WNT3: variants seen among roughly 807,000 people sequenced by gnomAD.
The protein encoded by WNT3 is proto-oncogene Wnt-3.
Under a neutral mutation model 34.2 loss-of-function variants are expected in WNT3, and 7 were observed. The observed-to-expected ratio is 0.20, with a 90% CI of 0.12 to 0.38. The LOEUF is 0.38. Among genes scored for constraint, WNT3 ranks in the 10% least tolerant of loss-of-function variants. The probability of loss-of-function intolerance (pLI) is 1.00; values close to 1 mark genes in which losing one functional copy is unlikely to be tolerated. For missense variants in WNT3, 267 were observed against 499.8 expected (o/e 0.53, Z 4.44); for synonymous variants, 212 against 211.5 (o/e 1.00, Z -0.02).
chr17:46,814,940 C>T (rs906381942), intron 1 of WNT3, among the ~76,000 whole-genome samples: 7 of 152,160 alleles, frequency 4.6e-5, no homozygotes, highest in Non-Finnish European at 1.5e-5. Context: ...TTTCCCAGCT[C>T]ACTGCCCTTG....
intron 1 of WNT3, among the ~76,000 whole-genome samples, chr17:46,804,536 G>GC: frequency 6.6e-6 from 1 of 152,294 alleles, no homozygotes; most frequent in African/African-American, 2.4e-5. Context: ...CTGATGGCAG[G>GC]CCCCCTCTTT....
At chr17:46,766,269 G>A (rs533377683) in intron 4 of WNT3, among the ~76,000 whole-genome samples, 2 of 152,262 alleles carry the variant, frequency 1.3e-5, no homozygotes, top group African/African-American at 4.8e-5. Flanking sequence ...TTAGCCGATC[G>A]TGGTGGCGGG....
At chr17:46,815,670 A>T (rs779064020) in intron 1 of WNT3, among the ~76,000 whole-genome samples, 3 of 152,126 alleles carry the variant, frequency 2.0e-5, no homozygotes, top group Admixed American at 6.6e-5. Context: ...AAGACCAAAG[A>T]AAAACAACCT....
chr17:46,782,786 T>C (rs976124910), intron 1 of WNT3, among the ~76,000 whole-genome samples: 4 of 152,176 alleles, frequency 2.6e-5, no homozygotes, highest in African/African-American at 9.7e-5. Flanking sequence ...GGCAGGGAGC[T>C]TGTGACAAAA....
intron 1 of WNT3, among the ~76,000 whole-genome samples, chr17:46,794,846 G>T (rs1158148968): frequency 6.7e-6 from 1 of 150,296 alleles, no homozygotes; most frequent in South Asian, 2.1e-4. Context: ...CACCTCCCAG[G>T]TTCAAGTGAT....
chr17:46,807,882 T>G (rs1376487957), intron 1 of WNT3, among the ~76,000 whole-genome samples: 1 of 152,154 alleles, frequency 6.6e-6, no homozygotes, highest in African/African-American at 2.4e-5. Context: ...GCATGCTTTA[T>G]CAGAAAGGAG....
chr17:46,783,946 CAA>C (rs2059481936), intron 1 of WNT3, among the ~76,000 whole-genome samples: 2 of 152,152 alleles, frequency 1.3e-5, no homozygotes, highest in African/African-American at 4.8e-5. Context: ...CAAAATGAGA[CAA>C]GAGGTGGGTG....
At chr17:46,804,706 G>A (rs1026233460) in intron 1 of WNT3, among the ~76,000 whole-genome samples, 4 of 152,166 alleles carry the variant, frequency 2.6e-5, no homozygotes, top group Admixed American at 6.5e-5. Context: ...GAGGCCAGCC[G>A]GACTTCCTGG....
At chr17:46,784,953 T>A (rs1208869356) in intron 1 of WNT3, among the ~76,000 whole-genome samples, 4 of 148,796 alleles carry the variant, frequency 2.7e-5, no homozygotes, top group Non-Finnish European at 6.1e-5. Flanking sequence ...TTTTTTTGTA[T>A]TTTTTAGTAG....
intron 3 of WNT3, among the ~76,000 whole-genome samples, chr17:46,769,381 G>T (rs1426542312): frequency 6.6e-6 from 1 of 152,086 alleles, no homozygotes; most frequent in Non-Finnish European, 1.5e-5. Flanking sequence ...TTAACACATG[G>T]GGAAACTGAG....
chr17:46,810,612 C>G (rs1339256224), intron 1 of WNT3, among the ~76,000 whole-genome samples: 1 of 152,168 alleles, frequency 6.6e-6, no homozygotes. Context: ...GGAGACTCAT[C>G]CACTGTCTCA....
At chr17:46,789,867 A>G (rs1234583612) in intron 1 of WNT3, among the ~76,000 whole-genome samples, 1 of 152,104 alleles carries the variant, frequency 6.6e-6, no homozygotes. Flanking sequence ...CTGCGACCAC[A>G]CCCAGGTGCT....
intron 1 of WNT3, among the ~76,000 whole-genome samples, chr17:46,803,215 G>A (rs908040142): frequency 6.6e-6 from 1 of 152,212 alleles, no homozygotes; most frequent in African/African-American, 2.4e-5. Flanking sequence ...GACAGTTTAC[G>A]TCTTTTCCTG....
rs185878930 is a variant in WNT3, at chr17:46,767,689, T to C, written c.*8+623A>G. The stretch of plus-strand genomic sequence containing the variant: ...GCTCAAGAATGACAGCTAGCAGCTA[T>C]GCAAAAATTTGATCTGGCTCATAAC... On this transcript the variant is annotated intron_variant, in intron 4 of 4. Coordinates refer to ENST00000225512, the MANE Select transcript of WNT3 (RefSeq NM_030753.5). 1.1e-3 allele frequency among the ~76,000 whole-genome samples: 161 copies of C among 152,330 alleles called. 3 individuals are homozygous for C. The South Asian group carries it at 0.014, about 13-fold the overall frequency.
At chr17:46,772,085 G>A (rs2059379125) in intron 2 of WNT3, among the ~76,000 whole-genome samples, 1 of 152,080 alleles carries the variant, frequency 6.6e-6, no homozygotes, top group Non-Finnish European at 1.5e-5. Context: ...GCGGTGGTGT[G>A]GGGACTCGCC....
At chr17:46,795,588 C>G (rs530296280) in intron 1 of WNT3, among the ~76,000 whole-genome samples, 1 of 152,350 alleles carries the variant, frequency 6.6e-6, no homozygotes, top group South Asian at 2.1e-4. Flanking sequence ...TTAAAAGCAA[C>G]CACAGGTGTC....
At chr17:46,771,681 G>C (rs1381072306) in intron 2 of WNT3, among the ~76,000 whole-genome samples, 11 of 143,588 alleles carry the variant, frequency 7.7e-5, no homozygotes, top group Admixed American at 6.8e-4. Context: ...GCGTAGCAAC[G>C]GGCGGCTCCC....
At chr17:46,798,500 G>T (rs1292256440) in intron 1 of WNT3, among the ~76,000 whole-genome samples, 3 of 152,176 alleles carry the variant, frequency 2.0e-5, no homozygotes, top group Non-Finnish European at 2.9e-5. Context: ...GCTTAGGCTT[G>T]TGCCAGCCAT....
Position 46,797,018 on chromosome 17 carries a change from T to C in WNT3, c.80+21500A>G, listed in dbSNP as rs1278698831. ...ATCCCATTTTCCAAATGGGGGAAAA[T>C]GGGAAAAGGGCTCCAAGGTTAAATA... On this transcript the variant is annotated intron_variant, in intron 1 of 4. Transcript: ENST00000225512. Among the ~76,000 whole-genome samples, 2 of 151,908 alleles carry C rather than the reference T, an allele frequency of 1.3e-5. 1 individual carries two copies. Among genetic ancestry groups the C allele is most frequent in the East Asian group, 3.9e-4 (2 of 5,168 alleles).
Sources: gnomAD v4.1 joint callset for allele counts (sites outside exome capture counted in the v4.1 genomes callset) on GRCh38, gnomAD v4.1.1 for gene constraint, MANE v1.5 for transcripts, NCBI Gene and HGNC (gene_info 2026-07-23, HGNC 2026-07-21) for gene names.